The following PEPD variants were observed in gnomAD, a reference collection of about 807,000 sequenced individuals.
The protein encoded by PEPD is xaa-Pro dipeptidase.
A neutral mutation model predicts 60.7 loss-of-function variants in PEPD; 53 were observed. The observed-to-expected ratio is 0.87, with a 90% CI of 0.70 to 1.10. The LOEUF is 1.10. Ranked by LOEUF, PEPD falls within the 50% of genes least tolerant of loss-of-function variation. PEPD has a pLI of 0.00. For missense variants in PEPD, 711 were observed against 711.9 expected, an observed-to-expected ratio of 1.00 and a Z score of 0.01; for synonymous variants, 267 against 284.1, an observed-to-expected ratio of 0.94 and a Z score of 0.60.
chr19:33,501,112 C>T (rs1970703684), intron 3 of PEPD, 111 bp from the exon 4 acceptor site: 5 of 773,344 alleles, frequency 6.5e-6, no homozygotes, highest in African/African-American at 3.4e-5. Context: ...ATCCCTATCA[C>T]GGTCAGCACC....
chr19:33,444,156 A>G (rs1169113228), intron 9 of PEPD, among the ~76,000 whole-genome samples: 1 of 152,184 alleles, frequency 6.6e-6, no homozygotes. Flanking sequence ...ACATGCACAC[A>G]CACACGCTGT....
intron 3 of PEPD, among the ~76,000 whole-genome samples, chr19:33,506,693 ACAC>A (rs752838074): frequency 4.2e-4 from 61 of 143,758 alleles, no homozygotes; most frequent in Non-Finnish European, 7.7e-4. Flanking sequence ...ACACACCCAC[ACAC>A]AACACAGCAC....
intron 3 of PEPD, among the ~76,000 whole-genome samples, chr19:33,502,544 A>T (rs1970732014): frequency 6.6e-6 from 1 of 152,170 alleles, no homozygotes; most frequent in Non-Finnish European, 1.5e-5. Context: ...GCAGATGGGA[A>T]ATTGAAAGTA....
At chr19:33,519,387 C>A (rs1440167663) in intron 1 of PEPD, among the ~76,000 whole-genome samples, 1 of 152,234 alleles carries the variant, frequency 6.6e-6, no homozygotes, top group Admixed American at 6.5e-5. Context: ...CTCTCATGGA[C>A]CCCCTCTGTC....
chr19:33,521,408 G>A (rs1481218032), intron 1 of PEPD, among the ~76,000 whole-genome samples: 1 of 152,214 alleles, frequency 6.6e-6, no homozygotes, highest in African/African-American at 2.4e-5. Context: ...CGGGTCCCTG[G>A]GGTCCTCGCA....
At chr19:33,402,782 G>A (rs950962308) in intron 11 of PEPD, among the ~76,000 whole-genome samples, 1 of 152,204 alleles carries the variant, frequency 6.6e-6, no homozygotes, top group Non-Finnish European at 1.5e-5. Flanking sequence ...TCCAGGACGG[G>A]AGGGGCCTGG....
intron 11 of PEPD, among the ~76,000 whole-genome samples, chr19:33,408,986 C>A (rs1449931759): frequency 6.6e-6 from 1 of 152,230 alleles, no homozygotes; most frequent in Non-Finnish European, 1.5e-5. Flanking sequence ...GGCTACATTT[C>A]AAAGTTAGCA....
chr19:33,388,861 GGCCTCAGCTTGGCTGAGGGC>G (rs1437433321), intron 13 of PEPD: 1 of 147,868 alleles, frequency 6.8e-6, no homozygotes, highest in African/African-American at 2.4e-5. Flanking sequence ...CAGCTGAGGG[GGCCTCAGCTTGGCTGAGGGC>G]AGCGGGTGCT....
At chr19:33,472,109 C>G (rs1395919736) in intron 7 of PEPD, among the ~76,000 whole-genome samples, 1 of 149,200 alleles carries the variant, frequency 6.7e-6, no homozygotes, top group Non-Finnish European at 1.5e-5. Context: ...TGCAGTGAGC[C>G]AAGATTGAGC....
At chr19:33,419,799 C>T (rs918019107) in intron 9 of PEPD, among the ~76,000 whole-genome samples, 2 of 152,202 alleles carry the variant, frequency 1.3e-5, no homozygotes, top group African/African-American at 2.4e-5. Flanking sequence ...GACAACTGGC[C>T]CACCAAGTCC....
intron 9 of PEPD, among the ~76,000 whole-genome samples, chr19:33,422,182 G>C (rs1969033919): frequency 6.6e-6 from 1 of 151,888 alleles, no homozygotes; most frequent in Admixed American, 6.6e-5. Context: ...TCTCTGCCTG[G>C]AATGTCCACC....
At chr19:33,520,277 C>G (rs1419424490) in intron 1 of PEPD, among the ~76,000 whole-genome samples, 1 of 152,160 alleles carries the variant, frequency 6.6e-6, no homozygotes, top group East Asian at 1.9e-4. Flanking sequence ...AGCTGGGCAC[C>G]AGCCTGCTCA....
At chr19:33,493,543 G>A in intron 4 of PEPD, 1 of 650,424 alleles carries the variant, frequency 1.5e-6, no homozygotes, top group Non-Finnish European at 2.8e-6. Context: ...CCATCGAGGG[G>A]CAGAGAGGAT....
intron 9 of PEPD, among the ~76,000 whole-genome samples, chr19:33,430,228 G>A (rs1282745079): frequency 1.3e-5 from 2 of 152,224 alleles, no homozygotes; most frequent in African/African-American, 4.8e-5. Context: ...CGTGAAGGGA[G>A]AACAACTTTT....
At chr19:33,484,919 A>G (rs377163560) in intron 6 of PEPD, among the ~76,000 whole-genome samples, 3 of 152,216 alleles carry the variant, frequency 2.0e-5, no homozygotes, top group South Asian at 4.1e-4. Context: ...ATTTTCTACA[A>G]TGAGCATGTA....
intron 6 of PEPD, among the ~76,000 whole-genome samples, chr19:33,488,860 G>A (rs1970444413): frequency 2.0e-5 from 3 of 152,172 alleles, no homozygotes; most frequent in Admixed American, 2.0e-4. Flanking sequence ...GAGGACAACA[G>A]AAGACATGGG....
intron 9 of PEPD, among the ~76,000 whole-genome samples, chr19:33,458,544 T>G (rs1294790655): frequency 1.5e-5 from 2 of 137,792 alleles, no homozygotes; most frequent in East Asian, 4.4e-4. Flanking sequence ...GGTGTGTGTG[T>G]GGTGTGGGGT....
rs778981204 is a variant in PEPD at position 33,512,708 on chromosome 19, C to G, written c.86G>C (p.Arg29Pro). The change falls in exon 2 of 15, where the codon CGC becomes CCC. Residue 29 changes from arginine (R) to proline (P), a missense_variant. Coordinates refer to ENST00000244137, the MANE Select transcript of PEPD (RefSeq NM_000285.4). ...GTTCTTCCGCAGCCGCTCACACAGGCGCTGCCGGTTCAAGGCAAAGAGCGC... is the reference window on the plus strand; with the variant it reads ...GTTCTTCCGCAGCCGCTCACACAGGGGCTGCCGGTTCAAGGCAAAGAGCGC... ...PLALFALNRQRLCERLRKNPA... is the reference protein window; with the variant it reads ...PLALFALNRQPLCERLRKNPA... The G allele has an allele frequency of 5.6e-6, 9 of 1,613,972 alleles. No homozygotes were observed. The highest frequency in any genetic ancestry group is 7.6e-6 in the Non-Finnish European group (9 of 1,179,998).
At chr19:33,474,455 A>G (rs1426126797) in intron 7 of PEPD, among the ~76,000 whole-genome samples, 2 of 152,254 alleles carry the variant, frequency 1.3e-5, no homozygotes, top group African/African-American at 4.8e-5. Flanking sequence ...GAGTCTCAAC[A>G]GGTGACAGTC....
Sources: allele counts gnomAD v4.1 joint callset (sites outside exome capture counted in the v4.1 genomes callset), GRCh38; gene constraint gnomAD v4.1.1; transcripts MANE v1.5; gene names NCBI Gene and HGNC (gene_info 2026-07-23, HGNC 2026-07-21).